GDPD4: variants seen among roughly 807,000 people sequenced by gnomAD.
GDPD4 encodes the protein glycerophosphodiester phosphodiesterase domain containing 4.
In GDPD4, 60 loss-of-function variants were observed where a neutral mutation model predicts 67.8. That is an observed-to-expected ratio of 0.88 (90% CI 0.72 to 1.10). The LOEUF (loss-of-function observed/expected upper bound fraction) is 1.10, where lower values mean the gene tolerates loss of function less well. GDPD4 is among the 50% of genes least tolerant of loss of function. GDPD4 has a pLI of 0.00. For synonymous variants in GDPD4, 212 were observed against 210.9 expected, an observed-to-expected ratio of 1.00 and a Z score of -0.04; for missense variants, 623 against 613.9, an observed-to-expected ratio of 1.01 and a Z score of -0.16.
intron 3 of GDPD4, among the ~76,000 whole-genome samples, chr11:77,282,604 A>G (rs1475820231): frequency 6.6e-6 from 1 of 152,058 alleles, no homozygotes; most frequent in Non-Finnish European, 1.5e-5. Flanking sequence ...CAATGAGCCA[A>G]GCTTGGGAGG....
At chr11:77,234,646 G>C (rs1958515714) in intron 13 of GDPD4, among the ~76,000 whole-genome samples, 3 of 152,168 alleles carry the variant, frequency 2.0e-5, no homozygotes, top group Admixed American at 2.0e-4. Context: ...ATGGCCTCCA[G>C]CTTCATCTAT....
At chr11:77,298,563 G>C (rs971784249) in intron 1 of GDPD4, among the ~76,000 whole-genome samples, 11 of 152,190 alleles carry the variant, frequency 7.2e-5, no homozygotes, top group Non-Finnish European at 1.5e-4. Flanking sequence ...ACCTGGGATA[G>C]ATAGAAAGGG....
chr11:77,239,825 A>T (rs967616710), intron 13 of GDPD4, among the ~76,000 whole-genome samples: 1 of 151,948 alleles, frequency 6.6e-6, no homozygotes, highest in Non-Finnish European at 1.5e-5. Flanking sequence ...AGCAGGGTGC[A>T]GTGGTATGTG....
In GDPD4 at chr11:77,233,110, G is replaced by C; in HGVS notation, c.1304C>G (p.Ser435Ter). 6.2e-7 allele frequency: 1 copy of C among 1,613,956 alleles called. No homozygotes were observed. The highest frequency in any genetic ancestry group is 1.1e-5 in the South Asian group (1 of 91,076). Residue 435 changes from serine to a stop codon, truncating the protein, a stop_gained, in exon 14 of 17, where the codon TCA (serine) becomes TGA (stop). Transcript: ENST00000315938. LOFTEE classifies it high-confidence loss of function. ...GTTAATCCTGGAGCACCAGGCCAGT[G>C]AGAAAAGCCAAGGCTCATTGACGGT... The part of the protein sequence containing the change: ...VYTVNEPWLF[S>*]LAWCSRINSV...
intron 11 of GDPD4, among the ~76,000 whole-genome samples, chr11:77,249,690 A>C (rs180913488): frequency 7.4e-4 from 112 of 152,318 alleles, no homozygotes; most frequent in Non-Finnish European, 3.8e-4. Flanking sequence ...ACCATCACTG[A>C]CAAATTCCTG....
intron 10 of GDPD4, among the ~76,000 whole-genome samples, chr11:77,265,772 A>T (rs1959175312): frequency 6.6e-6 from 1 of 152,208 alleles, no homozygotes; most frequent in South Asian, 2.1e-4. Flanking sequence ...CAGAAAAGTA[A>T]ATATACAAGA....
At chr11:77,253,908 T>C (rs943646857) in intron 11 of GDPD4, among the ~76,000 whole-genome samples, 2 of 151,708 alleles carry the variant, frequency 1.3e-5, no homozygotes, top group African/African-American at 4.8e-5. Context: ...AGCCCAAGGG[T>C]ACAGGGGGAG....
chr11:77,258,535 G>A lies in GDPD4; in HGVS notation c.715C>T (p.His239Tyr). Residue 239 changes from histidine to tyrosine, a missense_variant, in exon 11 of 17, where the codon CAT becomes TAT. Physicochemically the swap from His to Tyr is moderately conservative, Grantham distance 83. Transcript: ENST00000315938. ...LETDIHLSYD[H>Y]VPFLMHDFDL... ...AAGTCATGCATGAGGAAAGGCACAT[G>A]ATCATAACTGAGGCAGAGGTAGAAA... 1 of 1,613,856 alleles carries A rather than the reference G, an allele frequency of 6.2e-7. No individual in the cohort carries two copies. Among genetic ancestry groups the A allele is most frequent in the South Asian group, 1.1e-5 (1 of 91,060 alleles).
chr11:77,223,250 T>C (rs899104204), intron 16 of GDPD4, among the ~76,000 whole-genome samples: 4 of 152,186 alleles, frequency 2.6e-5, no homozygotes, highest in Non-Finnish European at 5.9e-5. Context: ...CATCCAGCTT[T>C]GTTCTGTTGC....
chr11:77,244,857 C>A (rs1355359741), intron 12 of GDPD4, among the ~76,000 whole-genome samples: 1 of 152,184 alleles, frequency 6.6e-6, no homozygotes, highest in South Asian at 2.1e-4. Context: ...AGAGTTGCTT[C>A]TGAAAAACAT....
At chr11:77,261,058 C>G (rs1959106216) in intron 10 of GDPD4, among the ~76,000 whole-genome samples, 1 of 152,146 alleles carries the variant, frequency 6.6e-6, no homozygotes, top group South Asian at 2.1e-4. Context: ...TCTTTCCTGG[C>G]TAAAAGTCTC....
intron 13 of GDPD4, among the ~76,000 whole-genome samples, chr11:77,238,450 GGT>G (rs2135837329): frequency 6.6e-6 from 1 of 152,040 alleles, no homozygotes; most frequent in African/African-American, 2.4e-5. Context: ...TAGGTGTGGT[GGT>G]GTGAGCCTGT....
chr11:77,282,668 C>A (rs1959814104), intron 3 of GDPD4, among the ~76,000 whole-genome samples: 2 of 150,720 alleles, frequency 1.3e-5, no homozygotes, highest in South Asian at 2.1e-4. Context: ...GCCTGGGCAA[C>A]AGAGTGAGAC....
intron 10 of GDPD4, among the ~76,000 whole-genome samples, chr11:77,265,654 G>T (rs1565531673): frequency 6.6e-6 from 1 of 152,004 alleles, no homozygotes; most frequent in African/African-American, 2.4e-5. Flanking sequence ...CGTTTTACAT[G>T]AACTTATTTG....
intron 13 of GDPD4, among the ~76,000 whole-genome samples, chr11:77,241,081 A>C (rs1958654696): frequency 6.6e-6 from 1 of 152,248 alleles, no homozygotes; most frequent in Non-Finnish European, 1.5e-5. Context: ...TACTGAGTAT[A>C]TATCCAAAGG....
At chr11:77,242,291 G>C (rs978948444) in intron 13 of GDPD4, among the ~76,000 whole-genome samples, 1 of 152,092 alleles carries the variant, frequency 6.6e-6, no homozygotes, top group Non-Finnish European at 1.5e-5. Context: ...ATACAGTTAT[G>C]ATGTCGATTA....
At chr11:77,237,694 C>T (rs904934296) in intron 13 of GDPD4, among the ~76,000 whole-genome samples, 3 of 152,226 alleles carry the variant, frequency 2.0e-5, no homozygotes, top group African/African-American at 7.2e-5. Context: ...TAGCAATACA[C>T]TTCCAAATAA....
chr11:77,291,298 C>T (rs760795800), intron 1 of GDPD4, among the ~76,000 whole-genome samples: 4 of 152,138 alleles, frequency 2.6e-5, no homozygotes, highest in Non-Finnish European at 5.9e-5. Flanking sequence ...TGTTCTCACT[C>T]ATGTGGGAGC....
At chr11:77,246,928 A>C (rs1958794457) in intron 11 of GDPD4, among the ~76,000 whole-genome samples, 1 of 152,150 alleles carries the variant, frequency 6.6e-6, no homozygotes, top group South Asian at 2.1e-4. Context: ...GCAGTGATAA[A>C]AGGCTACCTC....
Sources: allele counts gnomAD v4.1 joint callset (sites outside exome capture counted in the v4.1 genomes callset), GRCh38; gene constraint gnomAD v4.1.1; transcripts MANE v1.5; gene names NCBI Gene and HGNC (gene_info 2026-07-23, HGNC 2026-07-21).